Variants in E2F3 observed in about 807,000 individuals in gnomAD.
The protein encoded by E2F3 is E2F transcription factor 3, also known as transcription factor E2F3.
In E2F3, 11 loss-of-function variants were observed where a neutral mutation model predicts 44.4. The observed-to-expected ratio is 0.25, with a 90% CI of 0.16 to 0.41. The LOEUF (loss-of-function observed/expected upper bound fraction) is 0.41, where lower values mean the gene tolerates loss of function less well. Ranked by LOEUF, E2F3 falls within the 10% of genes least tolerant of loss-of-function variation. The probability of loss-of-function intolerance (pLI) is 1.00; values close to 1 mark genes in which losing one functional copy is unlikely to be tolerated. For synonymous variants in E2F3, 249 were observed against 253.0 expected, an observed-to-expected ratio of 0.98 and a Z score of 0.15; for missense variants, 487 against 583.6, an observed-to-expected ratio of 0.83 and a Z score of 1.70.
At chr6:20,465,240 C>G (rs557946506) in intron 1 of E2F3, among the ~76,000 whole-genome samples, 49 of 152,316 alleles carry the variant, frequency 3.2e-4, no homozygotes, top group African/African-American at 1.1e-3. Context: ...ATTAATCTGC[C>G]TGACTATTGC....
intron 1 of E2F3, among the ~76,000 whole-genome samples, chr6:20,472,536 T>G (rs1390877736): frequency 6.6e-6 from 1 of 151,960 alleles, no homozygotes; most frequent in African/African-American, 2.4e-5. Context: ...AAAAAAAAAT[T>G]AGCCACTCAT....
intron 1 of E2F3, among the ~76,000 whole-genome samples, chr6:20,447,570 T>G (rs760352634): frequency 1.1e-3 from 174 of 151,950 alleles, no homozygotes; most frequent in Non-Finnish European, 2.0e-3. Flanking sequence ...TGATTTGCAC[T>G]GATCTAGCCT....
At chr6:20,419,545 A>G (rs1759954947) in intron 1 of E2F3, among the ~76,000 whole-genome samples, 1 of 149,660 alleles carries the variant, frequency 6.7e-6, no homozygotes, top group Non-Finnish European at 1.5e-5. Context: ...TTATTTATTT[A>G]TTTATTTATT....
intron 1 of E2F3, among the ~76,000 whole-genome samples, chr6:20,459,957 G>C (rs1428316358): frequency 6.6e-6 from 1 of 152,188 alleles, no homozygotes; most frequent in Non-Finnish European, 1.5e-5. Context: ...AAACTTGTGA[G>C]TTACCTACCT....
chr6:20,488,411 AT>A (rs1227351397), intron 6 of E2F3, among the ~76,000 whole-genome samples, 163 bp downstream of exon 6: 1 of 152,184 alleles, frequency 6.6e-6, no homozygotes, highest in East Asian at 1.9e-4. Flanking sequence ...GAAAATAATG[AT>A]TTGGGAAAAA....
At chr6:20,422,443 G>A (rs905714428) in intron 1 of E2F3, among the ~76,000 whole-genome samples, 2 of 152,174 alleles carry the variant, frequency 1.3e-5, no homozygotes, top group African/African-American at 4.8e-5. Context: ...TGTGTTCATG[G>A]AGTACCATGT....
At chr6:20,409,832 G>A (rs1001521333) in intron 1 of E2F3, among the ~76,000 whole-genome samples, 4 of 152,146 alleles carry the variant, frequency 2.6e-5, no homozygotes, top group African/African-American at 9.7e-5. Flanking sequence ...GACTCGTTAG[G>A]GGCAGCGATA....
chr6:20,438,121 C>T (rs1174753900), intron 1 of E2F3: 2 of 152,172 alleles, frequency 1.3e-5, no homozygotes, highest in Non-Finnish European at 2.9e-5. Flanking sequence ...ATTAGCTTTG[C>T]TTCTGCAAAT....
intron 1 of E2F3, among the ~76,000 whole-genome samples, chr6:20,432,268 T>A (rs1760429673): frequency 6.6e-6 from 1 of 151,688 alleles, no homozygotes; most frequent in Non-Finnish European, 1.5e-5. Context: ...ACTCACCTAC[T>A]CTGGGGCCTT....
intron 1 of E2F3, among the ~76,000 whole-genome samples, chr6:20,429,315 A>C (rs1760319212): frequency 2.0e-5 from 3 of 152,194 alleles, no homozygotes; most frequent in Admixed American, 2.0e-4. Flanking sequence ...AGGTCCAAAA[A>C]TATTACATGA....
At chr6:20,421,355 CTATT>C (rs774978247) in intron 1 of E2F3, among the ~76,000 whole-genome samples, 45 of 152,322 alleles carry the variant, frequency 3.0e-4, no homozygotes, top group Non-Finnish European at 5.6e-4. Context: ...GGAGGAATCA[CTATT>C]TATGGCAGCT....
rs1213071336 is a variant in E2F3 at position 20,493,058 on chromosome 6, A to G, written c.*2628A>G. The G allele has an allele frequency of 4.6e-6, 1 of 217,456 alleles. No homozygotes were observed. Among genetic ancestry groups the G allele is most frequent in the Non-Finnish European group, 9.3e-6 (1 of 108,018 alleles). The allele number at this position is 217,456 out of a possible 1,614,324, so 13.5% of individuals were successfully genotyped here. On this transcript the variant is annotated 3_prime_UTR_variant, in exon 7 of 7. Coordinates refer to ENST00000346618, the MANE Select transcript of E2F3 (RefSeq NM_001949.5). ...CAGTGTTAGGAGTGTGTTTATATGT[A>G]CAGAGTTGTGCATAGCAATCGTTTT...
intron 1 of E2F3, among the ~76,000 whole-genome samples, chr6:20,479,403 TAA>T (rs1344444768): frequency 6.6e-6 from 1 of 152,154 alleles, no homozygotes; most frequent in African/African-American, 2.4e-5. Flanking sequence ...ATGATACAAA[TAA>T]ACACAGAGTG....
Position 20,486,759 on chromosome 6 carries a change from A to G in E2F3, c.955A>G (p.Lys319Glu). The change falls in exon 5 of 7, where the codon AAA becomes GAA. Residue 319 changes from lysine (K) to glutamate (E), a missense_variant. Physicochemically the swap from Lys to Glu is moderately conservative, Grantham distance 56. Transcript: ENST00000346618. ...TAAAGACCAAACTGTTATAGTTGTG[A>G]AAGCCCCTCCAGAAACAAGACTTGA... ...GLKDQTVIVVKAPPETRLEVP... is the reference protein window; with the variant it reads ...GLKDQTVIVVEAPPETRLEVP... 3.1e-6 allele frequency: 5 copies of G among 1,613,706 alleles called. No individual in the cohort carries two copies. Among genetic ancestry groups the G allele is most frequent in the Non-Finnish European group, 4.2e-6 (5 of 1,179,866 alleles).
chr6:20,445,915 A>G (rs567010048), intron 1 of E2F3, among the ~76,000 whole-genome samples: 8 of 152,266 alleles, frequency 5.3e-5, no homozygotes, highest in Non-Finnish European at 1.2e-4. Context: ...CCAGCAGCTC[A>G]GGGTGCAAGG....
chr6:20,463,565 T>C (rs1392719927), intron 1 of E2F3, among the ~76,000 whole-genome samples: 1 of 152,226 alleles, frequency 6.6e-6, no homozygotes, highest in African/African-American at 2.4e-5. Flanking sequence ...TTCGTATCTC[T>C]GGGAAAAAGT....
At chr6:20,457,876 G>T (rs946862760) in intron 1 of E2F3, among the ~76,000 whole-genome samples, 4 of 152,028 alleles carry the variant, frequency 2.6e-5, no homozygotes, top group Non-Finnish European at 1.5e-5. Context: ...TTTAGGTAAA[G>T]AACATTTTTC....
At chr6:20,413,875 A>AT (rs1446334033) in intron 1 of E2F3, among the ~76,000 whole-genome samples, 1 of 152,238 alleles carries the variant, frequency 6.6e-6, no homozygotes, top group Non-Finnish European at 1.5e-5. Flanking sequence ...TGAAGGGCAG[A>AT]TTAAGGGAGA....
chr6:20,475,969 C>T (rs1762030099), intron 1 of E2F3, among the ~76,000 whole-genome samples: 1 of 152,202 alleles, frequency 6.6e-6, no homozygotes, highest in African/African-American at 2.4e-5. Context: ...ACACACTCTG[C>T]CACTCTCTAA....
Sources: gnomAD v4.1 joint callset for allele counts (sites outside exome capture counted in the v4.1 genomes callset) on GRCh38, gnomAD v4.1.1 for gene constraint, MANE v1.5 for transcripts, NCBI Gene and HGNC (gene_info 2026-07-23, HGNC 2026-07-21) for gene names.